Variants in PCDHA5 observed in about 807,000 individuals in gnomAD.
PCDHA5 encodes the protein protocadherin alpha 5, also known as protocadherin alpha-5.
Under a neutral mutation model 61.6 loss-of-function variants are expected in PCDHA5, and 43 were observed. The observed-to-expected ratio is 0.70, with a 90% CI of 0.55 to 0.90. The LOEUF (loss-of-function observed/expected upper bound fraction) is 0.90, where lower values mean the gene tolerates loss of function less well. Ranked by LOEUF, PCDHA5 falls within the 40% of genes least tolerant of loss-of-function variation. The probability of loss-of-function intolerance (pLI) is 0.00; values close to 1 mark genes in which losing one functional copy is unlikely to be tolerated. For missense variants in PCDHA5, 1,298 were observed against 1,222.7 expected, an observed-to-expected ratio of 1.06 and a Z score of -0.92; for synonymous variants, 627 against 543.9, an observed-to-expected ratio of 1.15 and a Z score of -2.13.
intron 1 of PCDHA5, among the ~76,000 whole-genome samples, chr5:140,964,317 G>A (rs1042787994): frequency 2.0e-5 from 3 of 152,218 alleles, no homozygotes; most frequent in Non-Finnish European, 4.4e-5. Context: ...GCCTAAAACA[G>A]CATAATGGAC....
At chr5:141,003,680 T>C (rs1167133667) in intron 3 of PCDHA5, among the ~76,000 whole-genome samples, 1 of 152,198 alleles carries the variant, frequency 6.6e-6, no homozygotes, top group African/African-American at 2.4e-5. Flanking sequence ...GTTGTTCTGA[T>C]TTTAAAATAT....
chr5:141,000,375 C>G (rs1253953172), intron 3 of PCDHA5, among the ~76,000 whole-genome samples: 8 of 57,690 alleles, frequency 1.4e-4, no homozygotes, highest in Non-Finnish European at 1.9e-4. Context: ...CTCTCTCTCT[C>G]TCTCTCTCTC....
At chr5:140,878,879 G>A (rs1315306611) in intron 1 of PCDHA5, among the ~76,000 whole-genome samples, 4 of 152,204 alleles carry the variant, frequency 2.6e-5, no homozygotes, top group Admixed American at 6.5e-5. Flanking sequence ...AGCCTTTCAA[G>A]TAGCTGAGAC....
intron 1 of PCDHA5, chr5:140,869,830 G>A: frequency 1.2e-6 from 2 of 1,611,658 alleles, no homozygotes; most frequent in Non-Finnish European, 1.7e-6. Flanking sequence ...TCCAGAGTTT[G>A]ATAAATCAGA....
intron 1 of PCDHA5, chr5:140,877,589 C>T (rs1554169905): frequency 1.2e-6 from 2 of 1,613,848 alleles, no homozygotes; most frequent in Non-Finnish European, 1.7e-6. Context: ...GCCATCTGTG[C>T]GGTGTCCAGC....
At chr5:140,991,753 T>C (rs1262588559) in intron 3 of PCDHA5, among the ~76,000 whole-genome samples, 3 of 152,208 alleles carry the variant, frequency 2.0e-5, no homozygotes, top group Non-Finnish European at 2.9e-5. Flanking sequence ...CTTTCTATCA[T>C]GCTCTTCAAA....
rs1246720296 is a variant in PCDHA5, at chr5:140,996,308, AAGGGGGG to A, written c.2501-13314_2501-13308del. 2.6e-5 allele frequency among the ~76,000 whole-genome samples: 4 copies of A among 152,358 alleles called. No individual in the cohort carries two copies. The East Asian group carries it at 5.8e-4, about 22-fold the overall frequency. On this transcript the variant is annotated intron_variant, in intron 3 of 3. Coordinates refer to ENST00000529859, the MANE Select transcript of PCDHA5 (RefSeq NM_018908.3). ...CAAGAAGCACAGATTGTAACAAAGT[AAGGGGGG>A]AGGGTAGAGAAGAAAAGTTTGAAAA... is the stretch of plus-strand genomic sequence containing the variant.
At chr5:140,851,092 A>T (rs371116217) in intron 1 of PCDHA5, 1 of 1,292,902 alleles carries the variant, frequency 7.7e-7, no homozygotes, top group African/African-American at 1.5e-5. Flanking sequence ...TATTAAATAG[A>T]TATTTTTTGG....
chr5:140,967,927 C>T (rs782426020), intron 1 of PCDHA5: 3 of 1,614,228 alleles, frequency 1.9e-6, no homozygotes, highest in Non-Finnish European at 2.5e-6. Context: ...TGGCCGTTCT[C>T]AGTGTCAATG....
At chr5:140,827,999 G>C in intron 1 of PCDHA5, 1 of 1,484,116 alleles carries the variant, frequency 6.7e-7, no homozygotes, top group Non-Finnish European at 9.0e-7. Context: ...GATGGCGGAC[G>C]CAGAAGAAAT....
chr5:140,823,827 C>A lies in PCDHA5; in HGVS notation c.2052C>A (p.Gly684=), dbSNP rs1554129619. 6.2e-7 allele frequency: 1 copy of A among 1,613,806 alleles called. No homozygotes were observed. The highest frequency in any genetic ancestry group is 8.5e-7 in the Non-Finnish European group (1 of 1,179,916). ...AGGCCTCATCGCGGGCGTCGGCGGG[C>A]GCTGTGGGTCCCGAGGCTGCCCTGG... ...APKASSRASA[G]AVGPEAALVD... is the part of the protein sequence containing the mutation. The change falls in exon 1 of 4, where the codon GGC becomes GGA. Residue 684 remains glycine (G), a synonymous_variant. Transcript: ENST00000529859.
rs143678744 is a variant in PCDHA5 at position 140,873,036 on chromosome 5, G to A, written c.2352+48909G>A. Among the ~76,000 whole-genome samples the A allele has an allele frequency of 5.4e-3, 816 of 152,264 alleles. 4 individuals carry two copies. The highest frequency in any genetic ancestry group is 0.014 in the Middle Eastern group (4 of 294). On this transcript the variant is annotated intron_variant, in intron 1 of 3. Coordinates refer to ENST00000529859, the MANE Select transcript of PCDHA5 (RefSeq NM_018908.3). ...TTTAGTTATTCTTACTACACGTAGA[G>A]TGGTGGTATTACAGACTTTCTTGAG...
chr5:140,876,349 T>G lies in PCDHA5; in HGVS notation c.2352+52222T>G, dbSNP rs781967314. On this transcript the variant is annotated intron_variant, in intron 1 of 3. Transcript: ENST00000529859. ...TTTGCCAGTGAGTGAGAAATGTATG[T>G]TTTCAATAAATCCAGACACAGGTGA... The G allele has an allele frequency of 3.2e-5, 52 of 1,613,894 alleles. No homozygotes were observed. In the South Asian group the frequency reaches 5.1e-4, roughly 16 times the overall value.
chr5:140,870,528 A>T, intron 1 of PCDHA5: 11 of 1,614,214 alleles, frequency 6.8e-6, no homozygotes, highest in Non-Finnish European at 7.6e-6. Context: ...ACATCTTCAC[A>T]GTGTCGGCGC....
chr5:140,948,763 C>T (rs1195337502), intron 1 of PCDHA5, among the ~76,000 whole-genome samples: 4 of 151,102 alleles, frequency 2.6e-5, no homozygotes, highest in Non-Finnish European at 4.4e-5. Flanking sequence ...TGATTTTTTT[C>T]GAATAGCCAG....
Position 140,848,651 on chromosome 5 carries a change from G to A in PCDHA5, c.2352+24524G>A. ...TCGTGGGCCGCATCGCGCAGGACCT[G>A]GGGCTGGAGCTGGCGGAGCTGGTGC... is the stretch of plus-strand genomic sequence containing the variant. On this transcript the variant is annotated intron_variant, in intron 1 of 3. Transcript: ENST00000529859. The A allele has an allele frequency of 1.3e-6, 2 of 1,592,962 alleles. 1 individual carries two copies. The highest frequency in any genetic ancestry group is 1.7e-6 in the Non-Finnish European group (2 of 1,163,756).
intron 1 of PCDHA5, among the ~76,000 whole-genome samples, chr5:140,947,982 T>C (rs1178353293): frequency 1.3e-5 from 2 of 148,572 alleles, no homozygotes; most frequent in Admixed American, 1.3e-4. Flanking sequence ...CTCATAGGTT[T>C]TTCCCAAATA....
At chr5:140,841,306 GAAACGACT>G in intron 1 of PCDHA5, 2 of 1,580,012 alleles carry the variant, frequency 1.3e-6, no homozygotes, top group Non-Finnish European at 1.7e-6. Flanking sequence ...TTTCTGATAG[GAAACGACT>G]ATTTAACATG....
At chr5:140,869,849 T>C in intron 1 of PCDHA5, 3 of 1,611,006 alleles carry the variant, frequency 1.9e-6, no homozygotes, top group African/African-American at 1.3e-5. Context: ...GAATATAAGG[T>C]GAGCCTTATG....
Sources: gnomAD v4.1 joint callset for allele counts (sites outside exome capture counted in the v4.1 genomes callset) on GRCh38, gnomAD v4.1.1 for gene constraint, MANE v1.5 for transcripts, NCBI Gene and HGNC (gene_info 2026-07-23, HGNC 2026-07-21) for gene names.